Variants in UST observed in about 807,000 individuals in gnomAD.
UST encodes the protein chondroitin sulfate 2-O-sulfotransferase.
In UST, 21 loss-of-function variants were observed where a neutral mutation model predicts 45.6. That is an observed-to-expected ratio of 0.46 (90% CI 0.33 to 0.66). The LOEUF is 0.66. Among genes scored for constraint, UST ranks in the 30% least tolerant of loss-of-function variants. The pLI, the probability that UST is intolerant of heterozygous loss-of-function variation, is 0.02. For synonymous variants in UST, 215 were observed against 200.6 expected, an observed-to-expected ratio of 1.07 and a Z score of -0.61; for missense variants, 463 against 512.4, an observed-to-expected ratio of 0.90 and a Z score of 0.93.
At chr6:148,861,000 G>T (rs997193552) in intron 1 of UST, among the ~76,000 whole-genome samples, 11 of 152,210 alleles carry the variant, frequency 7.2e-5, no homozygotes, top group African/African-American at 2.7e-4. Flanking sequence ...TCAGGATGAT[G>T]CTGGCCTCAT....
chr6:149,024,884 G>T (rs1205327479), intron 7 of UST, among the ~76,000 whole-genome samples: 2 of 151,726 alleles, frequency 1.3e-5, no homozygotes, highest in East Asian at 3.9e-4. Context: ...CTGAAGAGCT[G>T]AATTAAGATG....
intron 1 of UST, among the ~76,000 whole-genome samples, chr6:148,780,583 C>T (rs548795396): frequency 1.9e-4 from 29 of 152,298 alleles, no homozygotes; most frequent in African/African-American, 6.7e-4. Flanking sequence ...ATAATGGCCT[C>T]CAGCTCCATC....
At chr6:148,819,710 T>C (rs780765912) in intron 1 of UST, among the ~76,000 whole-genome samples, 13 of 152,268 alleles carry the variant, frequency 8.5e-5, no homozygotes, top group Non-Finnish European at 1.8e-4. Flanking sequence ...TAATAACTTA[T>C]GTTAGCACAT....
chr6:148,946,371 C>T (rs1309461710), intron 3 of UST, among the ~76,000 whole-genome samples: 2 of 151,410 alleles, frequency 1.3e-5, no homozygotes, highest in Non-Finnish European at 1.5e-5. Flanking sequence ...ATTAGATGGG[C>T]GTGGTGGTGC....
chr6:149,014,236 A>C (rs1267625466), intron 5 of UST, among the ~76,000 whole-genome samples: 1 of 152,218 alleles, frequency 6.6e-6, no homozygotes, highest in Non-Finnish European at 1.5e-5. Context: ...GCCGATACAC[A>C]GAGGAGCCCC....
chr6:148,911,678 A>G (rs1322294534), intron 2 of UST, among the ~76,000 whole-genome samples: 2 of 152,100 alleles, frequency 1.3e-5, no homozygotes, highest in Admixed American at 6.6e-5. Context: ...TTTAGAAGCT[A>G]AAAAGAGAAA....
intron 1 of UST, among the ~76,000 whole-genome samples, chr6:148,773,088 G>C (rs1417405367): frequency 6.6e-6 from 1 of 152,168 alleles, no homozygotes; most frequent in Non-Finnish European, 1.5e-5. Flanking sequence ...TATGTTGAAA[G>C]AATTATAAAG....
intron 2 of UST, among the ~76,000 whole-genome samples, chr6:148,937,835 G>C (rs1348598682): frequency 6.6e-6 from 1 of 152,142 alleles, no homozygotes; most frequent in Admixed American, 6.5e-5. Context: ...ATTAAACTCT[G>C]AGTTTATGTT....
intron 5 of UST, among the ~76,000 whole-genome samples, chr6:149,015,280 T>C (rs1363745500): frequency 6.6e-6 from 1 of 152,192 alleles, no homozygotes; most frequent in African/African-American, 2.4e-5. Context: ...TTTAAAATAG[T>C]ACAGTTTAGA....
intron 5 of UST, among the ~76,000 whole-genome samples, chr6:148,989,156 A>G (rs935646918): frequency 6.6e-6 from 1 of 151,304 alleles, no homozygotes; most frequent in Non-Finnish European, 1.5e-5. Context: ...TGAAGAAGCT[A>G]CTTCTGGTCT....
At chr6:148,859,448 G>C (rs1413727773) in intron 1 of UST, among the ~76,000 whole-genome samples, 1 of 152,136 alleles carries the variant, frequency 6.6e-6, no homozygotes, top group African/African-American at 2.4e-5. Flanking sequence ...TAGGTTGCCT[G>C]TTCACTCTGA....
intron 1 of UST, among the ~76,000 whole-genome samples, chr6:148,836,370 T>G (rs1777785606): frequency 6.6e-6 from 1 of 152,220 alleles, no homozygotes; most frequent in African/African-American, 2.4e-5. Context: ...TAACTCCATC[T>G]CACAAAAACC....
chr6:148,907,089 A>C (rs1779378135), intron 2 of UST, among the ~76,000 whole-genome samples: 1 of 152,214 alleles, frequency 6.6e-6, no homozygotes, highest in Non-Finnish European at 1.5e-5. Flanking sequence ...GTAAGACAAA[A>C]TAACAGATTA....
chr6:148,912,588 T>C (rs1290703342), intron 2 of UST, among the ~76,000 whole-genome samples: 2 of 152,206 alleles, frequency 1.3e-5, no homozygotes, highest in Non-Finnish European at 2.9e-5. Flanking sequence ...CCATAATTTA[T>C]CCACAAGGAG....
chr6:148,993,427 A>G (rs892539655), intron 5 of UST, among the ~76,000 whole-genome samples: 3 of 151,606 alleles, frequency 2.0e-5, no homozygotes, highest in Admixed American at 2.0e-4. Flanking sequence ...TCTGTTTTTT[A>G]AACCAAACTA....
chr6:148,857,904 C>G (rs1370190897), intron 1 of UST, among the ~76,000 whole-genome samples: 1 of 151,628 alleles, frequency 6.6e-6, no homozygotes, highest in Non-Finnish European at 1.5e-5. Context: ...TTTCTCCTGT[C>G]AGTGAATAGG....
chr6:149,036,183 G>A (rs1776238098), intron 7 of UST, among the ~76,000 whole-genome samples: 1 of 152,186 alleles, frequency 6.6e-6, no homozygotes, highest in Non-Finnish European at 1.5e-5. Context: ...CCCTGGCTGT[G>A]GAGGGAACTG....
intron 1 of UST, among the ~76,000 whole-genome samples, chr6:148,812,246 C>T (rs559300932): frequency 9.2e-4 from 140 of 151,994 alleles, no homozygotes; most frequent in Middle Eastern, 3.4e-3. Flanking sequence ...TACACACATG[C>T]TTAGAGAAAA....
In UST at chr6:148,747,667, G is replaced by T; in HGVS notation, c.237G>T (p.Arg79=). Residue 79 remains arginine (R), a synonymous_variant, in exon 1 of 8, where the codon CGG becomes CGT. Transcript: ENST00000367463. ...GGPPRFLLDL[R]QYLGNSTYLD... The stretch of plus-strand genomic sequence containing the variant: ...CCCCTCGCTTCCTGCTCGACCTGCG[G>T]CAGTACTTGGGTAAGGAAGCTGGGC... 6.2e-7 allele frequency: 1 copy of T among 1,601,094 alleles called. No individual in the cohort carries two copies.
Sources: gnomAD v4.1 joint callset for allele counts (sites outside exome capture counted in the v4.1 genomes callset) on GRCh38, gnomAD v4.1.1 for gene constraint, MANE v1.5 for transcripts, NCBI Gene and HGNC (gene_info 2026-07-23, HGNC 2026-07-21) for gene names.